Variants in MAP3K14 observed in about 807,000 individuals in gnomAD.
The protein encoded by MAP3K14 is NF-kappa-beta-inducing kinase.
MAP3K14 carries 16 observed loss-of-function variants against 99.2 expected under a neutral mutation model. That is an observed-to-expected ratio of 0.16 (90% CI 0.11 to 0.24). The LOEUF (loss-of-function observed/expected upper bound fraction) is 0.24, where lower values mean the gene tolerates loss of function less well. MAP3K14 is among the 10% of genes least tolerant of loss of function. The pLI, the probability that MAP3K14 is intolerant of heterozygous loss-of-function variation, is 1.00. For synonymous variants in MAP3K14, 462 were observed against 492.4 expected, an observed-to-expected ratio of 0.94 and a Z score of 0.82; for missense variants, 784 against 1,208.7, an observed-to-expected ratio of 0.65 and a Z score of 5.21.
intron 5 of MAP3K14, among the ~76,000 whole-genome samples, chr17:45,285,243 T>C (rs1882945836): frequency 6.6e-6 from 1 of 152,090 alleles, no homozygotes; most frequent in African/African-American, 2.4e-5. Context: ...GCCAATCACC[T>C]TGACAATGAA....
intron 14 of MAP3K14, among the ~76,000 whole-genome samples, chr17:45,265,657 C>T (rs1230523071): frequency 1.3e-5 from 2 of 152,142 alleles, no homozygotes; most frequent in East Asian, 1.9e-4. Flanking sequence ...AGGCTGGTCT[C>T]GAACCCCTGA....
chr17:45,300,295 G>A (rs1177461043), intron 1 of MAP3K14, among the ~76,000 whole-genome samples: 2 of 152,196 alleles, frequency 1.3e-5, no homozygotes, highest in Non-Finnish European at 2.9e-5. Context: ...ATTGGCATTG[G>A]TCTTACCCAC....
chr17:45,266,461 A>C, intron 14 of MAP3K14, 76 bp downstream of exon 14: 1 of 1,508,488 alleles, frequency 6.6e-7, no homozygotes, highest in Non-Finnish European at 8.9e-7. Flanking sequence ...GGGAGACAAA[A>C]TCCCTCAATG....
At chr17:45,270,326 G>A in intron 11 of MAP3K14, 87 bp downstream of exon 11, 1 of 1,481,182 alleles carries the variant, frequency 6.8e-7, no homozygotes, top group Non-Finnish European at 9.0e-7. Context: ...TCTGAGGGGT[G>A]CCTTGCTCTG....
At chr17:45,306,926 A>G (rs987557068) in intron 1 of MAP3K14, among the ~76,000 whole-genome samples, 2 of 152,232 alleles carry the variant, frequency 1.3e-5, no homozygotes, top group South Asian at 2.1e-4. Flanking sequence ...TTAATTTTAT[A>G]CAATAAGCAA....
Position 45,286,337 on chromosome 17 carries a change from G to A in MAP3K14, c.1152+94C>T, listed in dbSNP as rs149216398. 9,019 of 1,397,972 alleles carry A rather than the reference G, an allele frequency of 6.5e-3. 40 individuals carry two copies. The highest frequency in any genetic ancestry group is 8.6e-3 in the Middle Eastern group (42 of 4,882). 86.6% of individuals were successfully genotyped at this position (1,397,972 alleles called of 1,614,324 possible). ...TGAGCACTGTCCTACTGTTTGATTT[G>A]TCACCACAGGCAAGAGTGACTCTGA... On this transcript the variant is annotated intron_variant, in intron 5 of 15. Coordinates refer to ENST00000344686, the MANE Select transcript of MAP3K14 (RefSeq NM_003954.5). This position sits in a 1 kb window ranked among gnomAD's most constrained non-coding sequence, Gnocchi z 4.1.
chr17:45,285,429 C>T (rs2044255818), intron 5 of MAP3K14, among the ~76,000 whole-genome samples: 1 of 152,018 alleles, frequency 6.6e-6, no homozygotes, highest in African/African-American at 2.4e-5. Context: ...AGTTTGAGAC[C>T]ACCCTGGCCA....
intron 1 of MAP3K14, 95 bp downstream of exon 1, chr17:45,316,865 C>T (rs1245897439): frequency 6.6e-6 from 1 of 151,884 alleles, no homozygotes; most frequent in Non-Finnish European, 1.5e-5. Flanking sequence ...GGCGAGGGGC[C>T]AGGCCGCAGC....
intron 1 of MAP3K14, among the ~76,000 whole-genome samples, chr17:45,312,930 T>C (rs1462328784): frequency 6.6e-6 from 1 of 152,140 alleles, no homozygotes; most frequent in African/African-American, 2.4e-5. Flanking sequence ...ATACAGTATT[T>C]TCCCTTTCCT....
Position 45,286,973 on chromosome 17 carries a change from C to T in MAP3K14, c.610G>A (p.Gly204Ser), listed in dbSNP as rs2044271407. 5 of 1,613,906 alleles carry T rather than the reference C, an allele frequency of 3.1e-6. No homozygotes were observed. The highest frequency in any genetic ancestry group is 4.2e-6 in the Non-Finnish European group (5 of 1,179,902). Reference protein sequence around the residue: ...PQFTKPLKEPGLGQLCFKQLG... With the variant: ...PQFTKPLKEPSLGQLCFKQLG... ...TGCTTAAAACAGAGTTGCCCAAGGC[C>T]TGGTTCCTTCAGAGGCTTGGTGAAC... The change falls in exon 5 of 16, where the codon GGC becomes AGC. Residue 204 changes from glycine to serine, a missense_variant. Gly to Ser is a moderately conservative substitution (Grantham distance 56, BLOSUM62 0). Transcript: ENST00000344686. This position sits in a 1 kb window ranked among gnomAD's most constrained non-coding sequence, Gnocchi z 4.1.
At chr17:45,299,224 G>A (rs1053750789) in intron 1 of MAP3K14, among the ~76,000 whole-genome samples, 2 of 152,094 alleles carry the variant, frequency 1.3e-5, no homozygotes, top group African/African-American at 4.8e-5. Context: ...ACTCTTGGGG[G>A]TAAAGTTCCA....
Position 45,286,973 on chromosome 17 carries a change from CTGGTTCCTTCAGAGGCT to C in MAP3K14, c.593_609del (p.Lys198ArgfsTer8). The C allele has an allele frequency of 6.2e-7, 1 of 1,614,024 alleles. No individual in the cohort carries two copies. Among genetic ancestry groups the C allele is most frequent in the East Asian group, 2.2e-5 (1 of 44,888 alleles). ...TGCTTAAAACAGAGTTGCCCAAGGC[CTGGTTCCTTCAGAGGCT>C]TGGTGAACTGCGGGGTGTTTCTAAC... On this transcript the variant is annotated frameshift_variant, in exon 5 of 16. Transcript: ENST00000344686. LOFTEE classifies it high-confidence loss of function. This position sits in a 1 kb window ranked among gnomAD's most constrained non-coding sequence, Gnocchi z 4.1.
At chr17:45,310,845 T>A (rs1201388885) in intron 1 of MAP3K14, among the ~76,000 whole-genome samples, 4 of 152,226 alleles carry the variant, frequency 2.6e-5, no homozygotes, top group Non-Finnish European at 4.4e-5. Flanking sequence ...TTTGATTACA[T>A]GAACCTCATG....
intron 1 of MAP3K14, among the ~76,000 whole-genome samples, chr17:45,306,443 C>A (rs1293768806): frequency 6.6e-6 from 1 of 152,202 alleles, no homozygotes; most frequent in Non-Finnish European, 1.5e-5. Flanking sequence ...CTACAGCCAG[C>A]CTATGTTCTG....
In MAP3K14 at chr17:45,273,584, C is replaced by T. The variant is rs1212692615; in HGVS notation, c.1576G>A (p.Asp526Asn). Residue 526 changes from aspartate (D) to asparagine (N), a missense_variant, in exon 9 of 16, where the codon GAT becomes AAT. Transcript: ENST00000344686. The part of the protein sequence containing the change: ...VKADNVLLSS[D>N]GSHAALCDFG... The stretch of plus-strand genomic sequence containing the variant: ...TCACAGAGGGCTGCGTGGCTCCCAT[C>T]GCTGGACAGGAGCACGTTGTCAGCT... 1.1e-5 allele frequency: 17 copies of T among 1,613,028 alleles called. No homozygotes were observed. Among genetic ancestry groups the T allele is most frequent in the African/African-American group, 2.7e-5 (2 of 74,914 alleles).
chr17:45,295,707 T>C (rs2044341863), intron 1 of MAP3K14, among the ~76,000 whole-genome samples: 1 of 152,246 alleles, frequency 6.6e-6, no homozygotes, highest in African/African-American at 2.4e-5. Context: ...AGCTAGCCAC[T>C]TCTTTTAACT....
chr17:45,279,456 G>A (rs1598250357), intron 6 of MAP3K14, among the ~76,000 whole-genome samples: 1 of 140,786 alleles, frequency 7.1e-6, no homozygotes, highest in African/African-American at 2.7e-5. Context: ...TTTTTGAGAC[G>A]GAGTCTCATT....
chr17:45,300,654 C>T (rs1327568059), intron 1 of MAP3K14, among the ~76,000 whole-genome samples: 1 of 152,188 alleles, frequency 6.6e-6, no homozygotes, highest in Non-Finnish European at 1.5e-5. Flanking sequence ...GCCTCCTTTT[C>T]TGCCTGCCCA....
intron 11 of MAP3K14, among the ~76,000 whole-genome samples, chr17:45,269,426 ACTC>A (rs1208493077): frequency 1.3e-5 from 2 of 151,812 alleles, no homozygotes; most frequent in African/African-American, 2.4e-5. Flanking sequence ...CTGGCACAGA[ACTC>A]CTAAAAGCCT....
Sources: allele counts gnomAD v4.1 joint callset (sites outside exome capture counted in the v4.1 genomes callset), GRCh38; gene constraint gnomAD v4.1.1; non-coding constraint Gnocchi (gnomAD v3.1); transcripts MANE v1.5; gene names NCBI Gene and HGNC (gene_info 2026-07-23, HGNC 2026-07-21).